The following ZNF396 variants were observed in gnomAD, a reference collection of about 807,000 sequenced individuals.
The protein encoded by ZNF396 is zinc finger and SCAN domain-containing protein 14.
In ZNF396, 14 loss-of-function variants were observed where a neutral mutation model predicts 20.5. That is an observed-to-expected ratio of 0.68 (90% CI 0.45 to 1.07). The LOEUF is 1.07. ZNF396 is among the 50% of genes least tolerant of loss of function. The probability of loss-of-function intolerance (pLI) is 0.00; values close to 1 mark genes in which losing one functional copy is unlikely to be tolerated. For missense variants in ZNF396, 347 were observed against 390.1 expected (o/e 0.89, Z 0.93); for synonymous variants, 119 against 140.6 (o/e 0.85, Z 1.08).
chr18:35,376,076 T>C (rs2045253393), intron 1 of ZNF396: 1 of 152,192 alleles, frequency 6.6e-6, no homozygotes, highest in African/African-American at 2.4e-5. Context: ...AGGAGGTATA[T>C]GATAGTGTTT....
In ZNF396 at chr18:35,373,468, A is replaced by G. The variant is rs371734040; in HGVS notation, c.550T>C (p.Leu184=). ...CCTGCCCCCTCACCATGTGGTCTTA[A>G]GGACTGAAGCTCCCATGATGCTCCC... ...LQGASWELQS[L]RPHDEDIKTT... The change falls in exon 3 of 4, where the codon TTA becomes CTA. Residue 184 remains leucine, a synonymous_variant. Coordinates refer to ENST00000589332, the MANE Select transcript of ZNF396 (RefSeq NM_001322286.2). The G allele has an allele frequency of 6.2e-7, 1 of 1,613,916 alleles. No individual in the cohort carries two copies. Among genetic ancestry groups the G allele is most frequent in the Non-Finnish European group, 8.5e-7 (1 of 1,179,952 alleles).
intron 3 of ZNF396, chr18:35,371,769 T>G (rs1323904747): frequency 6.6e-6 from 1 of 152,254 alleles, no homozygotes; most frequent in Admixed American, 6.5e-5. Flanking sequence ...GGATTAAGTT[T>G]CAACACAAGT....
intron 3 of ZNF396, 194 bp downstream of exon 3, chr18:35,373,262 T>C (rs2045207403): frequency 3.2e-6 from 2 of 628,546 alleles, no homozygotes; most frequent in Non-Finnish European, 2.4e-6. Context: ...GAAGATTTTA[T>C]AAGAATCTCT....
At chr18:35,372,110 C>T (rs1246673046) in intron 3 of ZNF396, 1 of 152,054 alleles carries the variant, frequency 6.6e-6, no homozygotes, top group Non-Finnish European at 1.5e-5. Flanking sequence ...AGATCCTGGA[C>T]CTGTTGCATT....
At position 35,373,229 on chromosome 18, in the gene ZNF396, C is replaced by T. The variant is rs532692099; in HGVS notation, c.562+227G>A. The T allele has an allele frequency of 2.9e-4, 154 of 525,530 alleles. 1 individual carries two copies. Among genetic ancestry groups the T allele is most frequent in the Admixed American group, 2.4e-3 (61 of 25,818 alleles). 32.6% of individuals were successfully genotyped at this position (525,530 alleles called of 1,614,324 possible). ...TTAAAAAGGCATGAAAACCCTGATG[C>T]AGATGTCAGGGATTTAAAGTCTGAA... On this transcript the variant is annotated intron_variant, in intron 3 of 3. Coordinates refer to ENST00000589332, the MANE Select transcript of ZNF396 (RefSeq NM_001322286.2).
chr18:35,373,402 G>A, intron 3 of ZNF396, 54 bp downstream of exon 3: 3 of 1,579,592 alleles, frequency 1.9e-6, no homozygotes, highest in Non-Finnish European at 2.6e-6. Flanking sequence ...AGATGTGTGT[G>A]GTGAGCAGAG....
In ZNF396 at chr18:35,374,653, C is replaced by G. The variant is rs1341136551; in HGVS notation, c.-72-289G>C. On this transcript the variant is annotated intron_variant, in intron 1 of 3. Transcript: ENST00000589332. The surrounding 1 kb of genome is among the most constrained non-coding windows in gnomAD (Gnocchi z 4.3). The stretch of plus-strand genomic sequence containing the variant: ...CTGGGACTACAGGTACCCGCCACCA[C>G]GCCTGGCTAATTTTTGTATTTTCAG... 6.0e-6 allele frequency: 1 copy of G among 166,722 alleles called. No homozygotes were observed. The highest frequency in any genetic ancestry group is 1.3e-5 in the Non-Finnish European group (1 of 75,676). The allele number at this position is 166,722 out of a possible 1,614,324, so 10.3% of individuals were successfully genotyped here. A position where few individuals can be genotyped will look rare whatever the true frequency, so the allele number is the denominator to read the frequency against.
chr18:35,376,384 G>C (rs1173190845), intron 1 of ZNF396: 1 of 152,188 alleles, frequency 6.6e-6, no homozygotes. Context: ...AAAAGCCCTA[G>C]ATTATTTTTA....
At chr18:35,375,581 G>A (rs1483569158) in intron 1 of ZNF396, among the ~76,000 whole-genome samples, 1 of 152,082 alleles carries the variant, frequency 6.6e-6, no homozygotes, top group Non-Finnish European at 1.5e-5. Context: ...CACAAAGACT[G>A]TATCAATTCA....
At position 35,368,429 on chromosome 18, in the gene ZNF396, A is replaced by T. The variant is rs1337723953; in HGVS notation, c.*786T>A. ...TATTCTTTTGGGCCTCTGCAATCGC[A>T]TGTTCATATTTTGAATCTAGTAACA... is the stretch of plus-strand genomic sequence containing the variant. On this transcript the variant is annotated 3_prime_UTR_variant, in exon 4 of 4. Transcript: ENST00000589332. 3 of 1,411,496 alleles carry T rather than the reference A, an allele frequency of 2.1e-6. No homozygotes were observed. Among genetic ancestry groups the T allele is most frequent in the Middle Eastern group, 1.9e-4 (1 of 5,384 alleles). The allele number at this position is 1,411,496 out of a possible 1,614,324, so 87.4% of individuals were successfully genotyped here.
Position 35,369,273 on chromosome 18 carries a change from C to T in ZNF396, c.950G>A (p.Ser317Asn). 6.2e-7 allele frequency: 1 copy of T among 1,613,610 alleles called. No individual in the cohort carries two copies. The highest frequency in any genetic ancestry group is 8.5e-7 in the Non-Finnish European group (1 of 1,179,804). ...ATGTCTAAAAAGATTTGAGCTCTGA[C>T]TAAAGGCTTTGCCACAGTCATGACA... ...YKCHDCGKAF[S>N]QSSNLFRHRK... Residue 317 changes from serine to asparagine, a missense_variant, in exon 4 of 4, where the codon AGT becomes AAT. Transcript: ENST00000589332.
chr18:35,370,228 C>T (rs929585086), intron 3 of ZNF396, among the ~76,000 whole-genome samples: 10 of 152,280 alleles, frequency 6.6e-5, no homozygotes, highest in East Asian at 1.9e-4. Context: ...AGAGTACCCA[C>T]TGATGAAAAA....
At chr18:35,373,079 C>A (rs561045515) in intron 3 of ZNF396, 1 of 242,646 alleles carries the variant, frequency 4.1e-6, no homozygotes, top group African/African-American at 2.2e-5. Flanking sequence ...GATTCTGCTA[C>A]GAGATCCCAC....
At chr18:35,377,061 G>A (rs374061588) in intron 1 of ZNF396, among the ~76,000 whole-genome samples, 1 of 152,140 alleles carries the variant, frequency 6.6e-6, no homozygotes, top group African/African-American at 2.4e-5. Flanking sequence ...CCCGGGGTCC[G>A]CCGGGGAAGG....
At chr18:35,372,636 C>T (rs569310675) in intron 3 of ZNF396, 1 of 152,264 alleles carries the variant, frequency 6.6e-6, no homozygotes, top group African/African-American at 2.4e-5. Context: ...GGTCTCTGCT[C>T]AAATGTCGCT....
Position 35,369,017 on chromosome 18 carries a change from T to C in ZNF396, c.*198A>G. 1 of 1,351,690 alleles carries C rather than the reference T, an allele frequency of 7.4e-7. No homozygotes were observed. The highest frequency in any genetic ancestry group is 2.7e-5 in the East Asian group (1 of 36,428). The allele number at this position is 1,351,690 out of a possible 1,614,324, so 83.7% of individuals were successfully genotyped here. A position where few individuals can be genotyped will look rare whatever the true frequency, so the allele number is the denominator to read the frequency against. ...AGCTTTGGAATTGCAAACGTCAGAA[T>C]TGAGACTGCATTGATAAGCAGAAAA... On this transcript the variant is annotated 3_prime_UTR_variant, in exon 4 of 4. Coordinates refer to ENST00000589332, the MANE Select transcript of ZNF396 (RefSeq NM_001322286.2).
rs2909340 is a variant in ZNF396 at position 35,368,546 on chromosome 18, G to A, written c.*669C>T. The A allele has an allele frequency of 0.88, 470,039 of 532,256 alleles. 210,006 individuals carry two copies. The highest frequency in any genetic ancestry group is 0.91 in the Non-Finnish European group (359,685 of 395,244). The allele number at this position is 532,256 out of a possible 1,614,324, so 33.0% of individuals were successfully genotyped here. ...AGACGGAGTCTTGCTCTGTCTGAGC[G>A]GTTCAAGCAATTTTCCTGCCTCAGC... On this transcript the variant is annotated 3_prime_UTR_variant, in exon 4 of 4. Coordinates refer to ENST00000589332, the MANE Select transcript of ZNF396 (RefSeq NM_001322286.2).
chr18:35,375,845 C>T (rs1167288187), intron 1 of ZNF396, among the ~76,000 whole-genome samples: 1 of 152,064 alleles, frequency 6.6e-6, no homozygotes. Context: ...TGGGTTCAAG[C>T]GATTCTCCTG....
At position 35,373,598 on chromosome 18, in the gene ZNF396, G is replaced by T; in HGVS notation, c.420C>A (p.Ile140=). 2 of 1,613,574 alleles carry T rather than the reference G, an allele frequency of 1.2e-6. No individual in the cohort carries two copies. Among genetic ancestry groups the T allele is most frequent in the South Asian group, 1.1e-5 (1 of 90,952 alleles). Residue 140 remains isoleucine (I), a splice_region_variant and synonymous_variant, in exon 3 of 4, where the codon ATC becomes ATA. Coordinates refer to ENST00000589332, the MANE Select transcript of ZNF396 (RefSeq NM_001322286.2). The part of the protein sequence containing the change: ...VERELDGPKQ[I]FFGRRKDMIA... ...TCATGTCCTTCCTTCGTCCAAAAAA[G>T]ATCTAAAAACAGGAATAATTGAGGC...
Sources: gnomAD v4.1 joint callset for allele counts (sites outside exome capture counted in the v4.1 genomes callset) on GRCh38, gnomAD v4.1.1 for gene constraint, Gnocchi (gnomAD v3.1) non-coding constraint, MANE v1.5 for transcripts, NCBI Gene and HGNC (gene_info 2026-07-23, HGNC 2026-07-21) for gene names.